The following TCF4 variants were observed in gnomAD, a reference collection of about 807,000 sequenced individuals.
TCF4 encodes the protein SL3-3 enhancer factor 2.
Under a neutral mutation model 82.1 loss-of-function variants are expected in TCF4, and 3 were observed. That is an observed-to-expected ratio of 0.04 (90% CI 0.02 to 0.09). The LOEUF (loss-of-function observed/expected upper bound fraction) is 0.09, where lower values mean the gene tolerates loss of function less well. Among genes scored for constraint, TCF4 ranks in the 10% least tolerant of loss-of-function variants. The probability of loss-of-function intolerance (pLI) is 1.00; values close to 1 mark genes in which losing one functional copy is unlikely to be tolerated. For synonymous variants in TCF4, 276 were observed against 309.6 expected, an observed-to-expected ratio of 0.89 and a Z score of 1.14; for missense variants, 518 against 852.7, an observed-to-expected ratio of 0.61 and a Z score of 4.89.
chr18:55,596,401 A>T (rs1437986652), intron 2 of TCF4, among the ~76,000 whole-genome samples: 1 of 152,246 alleles, frequency 6.6e-6, no homozygotes. Flanking sequence ...TTTCTCATCT[A>T]TTAAAAGGGT....
chr18:55,592,892 G>A (rs986440833), upstream of TCF4, among the ~76,000 whole-genome samples: 17 of 152,244 alleles, frequency 1.1e-4, no homozygotes, highest in African/African-American at 4.1e-4. Context: ...AAACAATTAA[G>A]TCCTAGAGAT....
intron 8 of TCF4, chr18:55,321,841 T>C (rs781451635): frequency 2.0e-6 from 3 of 1,487,220 alleles, no homozygotes; most frequent in African/African-American, 1.4e-5. Context: ...TTTTCCCATA[T>C]GGCCGGGCCA....
intron 8 of TCF4, among the ~76,000 whole-genome samples, chr18:55,343,213 T>G (rs2080400353): frequency 6.6e-6 from 1 of 152,144 alleles, no homozygotes; most frequent in Non-Finnish European, 1.5e-5. Flanking sequence ...GCTCCATGTT[T>G]CACAAAGGAA....
intron 1 of TCF4, chr18:55,635,574 T>G: frequency 1.0e-4 from 123 of 1,182,222 alleles, no homozygotes; most frequent in Non-Finnish European, 1.3e-4. Context: ...CCAAGTGCTG[T>G]GGAGATGTCA....
At chr18:55,604,589 A>G (rs1437686579) in intron 2 of TCF4, among the ~76,000 whole-genome samples, 1 of 152,212 alleles carries the variant, frequency 6.6e-6, no homozygotes, top group African/African-American at 2.4e-5. Flanking sequence ...GGGATTCTGC[A>G]TGGTGAGCAA....
Position 55,464,724 on chromosome 18 carries a change from C to CT in TCF4, c.146-588dup, listed in dbSNP as rs967196281. 6.1e-3 allele frequency among the ~76,000 whole-genome samples: 903 copies of CT among 148,436 alleles called. 7 individuals carry two copies. The highest frequency in any genetic ancestry group is 0.02 in the African/African-American group (820 of 40,594). ...TAAGACAATACTGTCTCTGTCTTTC[C>CT]TTTTTTTTTTAAACTAGACATACCA... On this transcript the variant is annotated intron_variant, in intron 3 of 19. Coordinates refer to ENST00000354452, the MANE Select transcript of TCF4 (RefSeq NM_001083962.2).
In TCF4 at chr18:55,352,874, C is replaced by T. The variant is rs1273364487; in HGVS notation, c.370-1871G>A. ...GTGTCCAAGTTTTCTTTGAAATTTC[C>T]ATCAATAAAGCTGTGAATGATTTGA... On this transcript the variant is annotated intron_variant, in intron 6 of 19. Coordinates refer to ENST00000354452, the MANE Select transcript of TCF4 (RefSeq NM_001083962.2). Among the ~76,000 whole-genome samples, 4 of 152,190 alleles carry T rather than the reference C, an allele frequency of 2.6e-5. No homozygotes were observed. In the East Asian group the frequency reaches 7.7e-4, roughly 29 times the overall value.
At chr18:55,294,839 C>T (rs1333948883) in intron 8 of TCF4, among the ~76,000 whole-genome samples, 2 of 152,188 alleles carry the variant, frequency 1.3e-5, no homozygotes, top group Non-Finnish European at 2.9e-5. Context: ...AGGCTGGTCT[C>T]AAACTCCTGG....
chr18:55,542,816 T>G (rs1475863678), intron 3 of TCF4, among the ~76,000 whole-genome samples: 5 of 152,042 alleles, frequency 3.3e-5, no homozygotes, highest in Non-Finnish European at 5.9e-5. Context: ...GTAAAATACA[T>G]TTAGAAAAAC....
intron 3 of TCF4, among the ~76,000 whole-genome samples, chr18:55,487,209 C>A (rs1261400758): frequency 6.6e-6 from 1 of 152,190 alleles, no homozygotes. Context: ...TCGTGTCTTT[C>A]CTCAACCTGG....
chr18:55,552,764 A>G (rs1280749110), intron 3 of TCF4, among the ~76,000 whole-genome samples: 5 of 152,236 alleles, frequency 3.3e-5, no homozygotes, highest in Admixed American at 3.3e-4. Flanking sequence ...CCTCCCCATT[A>G]AAGCTCGTTT....
chr18:55,587,729 C>G (rs1207137162), intron 1 of TCF4, among the ~76,000 whole-genome samples: 1 of 151,070 alleles, frequency 6.6e-6, no homozygotes, highest in Non-Finnish European at 1.5e-5. Flanking sequence ...TTGGGGGGAG[C>G]GGAGTGGAGG....
intron 2 of TCF4, among the ~76,000 whole-genome samples, chr18:55,625,053 A>C (rs1340973868): frequency 6.6e-6 from 1 of 152,200 alleles, no homozygotes; most frequent in African/African-American, 2.4e-5. Flanking sequence ...TTTCATAAAA[A>C]TCATGGCTTT....
chr18:55,555,914 A>G (rs917768045), intron 3 of TCF4, among the ~76,000 whole-genome samples: 1 of 152,176 alleles, frequency 6.6e-6, no homozygotes, highest in African/African-American at 2.4e-5. Flanking sequence ...GTTTCCTATC[A>G]ATGATATTTC....
At chr18:55,311,551 A>G (rs1316023277) in intron 8 of TCF4, among the ~76,000 whole-genome samples, 1 of 152,220 alleles carries the variant, frequency 6.6e-6, no homozygotes, top group Non-Finnish European at 1.5e-5. Flanking sequence ...ATTTTCTTAA[A>G]TCTTCATATA....
chr18:55,576,636 C>T (rs1461752262), intron 3 of TCF4, among the ~76,000 whole-genome samples: 1 of 152,118 alleles, frequency 6.6e-6, no homozygotes, highest in Admixed American at 6.6e-5. Context: ...AAAATTCTAC[C>T]ATTCCTTCAA....
Position 55,228,345 on chromosome 18 carries a change from C to G in TCF4, c.1896G>C (p.Pro632=), listed in dbSNP as rs200096408. The change falls in exon 19 of 20, where the codon CCG becomes CCC. Residue 632 remains proline (P), a synonymous_variant. Transcript: ENST00000354452. The stretch of plus-strand genomic sequence containing the variant: ...CCCTTCTTTTCAGACACGCAGCTTT[C>G]GGATTCAGATTCCTTTCTGTGGAGG... ...EQQVRERNLN[P]KAACLKRREE... 1.9e-6 allele frequency: 3 copies of G among 1,613,942 alleles called. No individual in the cohort carries two copies. The African/African-American group carries it at 4.0e-5, about 22-fold the overall frequency.
chr18:55,423,616 A>G (rs938595493), intron 5 of TCF4: 10 of 152,270 alleles, frequency 6.6e-5, no homozygotes, highest in Non-Finnish European at 1.5e-4. Flanking sequence ...AAGTAAAAAA[A>G]GAAAAACAAC....
rs910401991 is a variant in TCF4 at position 55,609,326 on chromosome 18, G to A, written c.286+21972C>T. On this transcript the variant is annotated intron_variant, in intron 2 of 20. Transcript: ENST00000398339. ...GCTGCTGGGAAGACTCATACGGGGGGCAGGTTTTTCATGAAAATCCTTGAG... is the reference window on the plus strand; with the variant it reads ...GCTGCTGGGAAGACTCATACGGGGGACAGGTTTTTCATGAAAATCCTTGAG... 2.0e-5 allele frequency among the ~76,000 whole-genome samples: 3 copies of A among 152,148 alleles called. 1 individual carries two copies. The highest frequency in any genetic ancestry group is 2.0e-4 in the Admixed American group (3 of 15,270).
Sources: gnomAD v4.1 joint callset for allele counts (sites outside exome capture counted in the v4.1 genomes callset) on GRCh38, gnomAD v4.1.1 for gene constraint, MANE v1.5 for transcripts, NCBI Gene and HGNC (gene_info 2026-07-23, HGNC 2026-07-21) for gene names.